Variants in SNTB1 observed in about 807,000 individuals in gnomAD.
The protein encoded by SNTB1 is syntrophin beta 1.
Under a neutral mutation model 48.9 loss-of-function variants are expected in SNTB1, and 36 were observed. That is an observed-to-expected ratio of 0.74 (90% CI 0.56 to 0.97). SNTB1 has a LOEUF of 0.97. Ranked by LOEUF, SNTB1 falls within the 50% of genes least tolerant of loss-of-function variation. The probability of loss-of-function intolerance (pLI) is 0.00; values close to 1 mark genes in which losing one functional copy is unlikely to be tolerated. For missense variants in SNTB1, 786 were observed against 703.4 expected (o/e 1.12, Z -1.33); for synonymous variants, 299 against 294.6 (o/e 1.01, Z -0.15).
intron 4 of SNTB1, among the ~76,000 whole-genome samples, chr8:120,568,156 T>G (rs561221653): frequency 1.3e-3 from 193 of 152,276 alleles, no homozygotes; most frequent in Non-Finnish European, 2.1e-3. Context: ...ATTTCTGGCA[T>G]GGACCATCCC....
chr8:120,717,480 G>C (rs528519791), intron 1 of SNTB1, among the ~76,000 whole-genome samples: 2 of 152,326 alleles, frequency 1.3e-5, no homozygotes, highest in Non-Finnish European at 2.9e-5. Context: ...TTGTTGTTTT[G>C]TTCCAACTTT....
chr8:120,745,985 G>A (rs1428958994), intron 1 of SNTB1, among the ~76,000 whole-genome samples: 2 of 152,152 alleles, frequency 1.3e-5, no homozygotes, highest in Non-Finnish European at 2.9e-5. Flanking sequence ...AGCTCTGTGG[G>A]TCCAATCCAC....
chr8:120,811,607 C>T lies in SNTB1; in HGVS notation c.237G>A (p.Ala79=). The change falls in exon 1 of 7, where the codon GCG becomes GCA. Residue 79 remains alanine, a synonymous_variant. Coordinates refer to ENST00000517992, the MANE Select transcript of SNTB1 (RefSeq NM_021021.4). ...CRGAGAGHPG[A]GGAQPPDSPA... Reference sequence around the variant, plus strand: ...GCGAGTCCGGGGGCTGCGCGCCGCCCGCGCCCGGGTGCCCAGCCCCGGCGC... The same window carrying T: ...GCGAGTCCGGGGGCTGCGCGCCGCCTGCGCCCGGGTGCCCAGCCCCGGCGC... The T allele has an allele frequency of 6.3e-7, 1 of 1,580,434 alleles. No individual in the cohort carries two copies. The highest frequency in any genetic ancestry group is 1.8e-5 in the Admixed American group (1 of 54,138).
intron 1 of SNTB1, among the ~76,000 whole-genome samples, chr8:120,806,173 G>A (rs951350172): frequency 1.3e-5 from 2 of 152,226 alleles, no homozygotes; most frequent in African/African-American, 2.4e-5. Flanking sequence ...CCTCCCTCCA[G>A]AATGGCAGTT....
At chr8:120,690,046 T>A (rs1818099480) in intron 2 of SNTB1, among the ~76,000 whole-genome samples, 1 of 151,094 alleles carries the variant, frequency 6.6e-6, no homozygotes, top group African/African-American at 2.4e-5. Context: ...TTTCCATGGT[T>A]TCAGTTATCT....
chr8:120,615,054 G>A (rs1215878136), intron 3 of SNTB1, among the ~76,000 whole-genome samples: 3 of 151,544 alleles, frequency 2.0e-5, no homozygotes, highest in Non-Finnish European at 4.4e-5. Flanking sequence ...AGGAGGCTAA[G>A]GCAGGGGAAT....
intron 1 of SNTB1, among the ~76,000 whole-genome samples, chr8:120,785,110 C>G (rs1412236289): frequency 6.6e-6 from 1 of 152,196 alleles, no homozygotes; most frequent in Admixed American, 6.5e-5. Context: ...TTGCAGAAGT[C>G]TGTCAGCTAA....
At chr8:120,664,310 T>A (rs1563845537) in intron 2 of SNTB1, among the ~76,000 whole-genome samples, 1 of 152,202 alleles carries the variant, frequency 6.6e-6, no homozygotes, top group Non-Finnish European at 1.5e-5. Context: ...GCTGAGGATG[T>A]TCAGGAATAG....
intron 2 of SNTB1, chr8:120,637,500 CA>C: frequency 5.2e-6 from 1 of 193,900 alleles, no homozygotes. Context: ...ATCAGTTAGT[CA>C]AAGATTCACT....
At chr8:120,612,994 C>T (rs976688145) in intron 3 of SNTB1, among the ~76,000 whole-genome samples, 2 of 151,964 alleles carry the variant, frequency 1.3e-5, no homozygotes, top group Admixed American at 6.6e-5. Flanking sequence ...TGATGTTAAG[C>T]GAAATAAGTC....
At chr8:120,654,888 C>T (rs1381994492) in intron 2 of SNTB1, 2 of 435,034 alleles carry the variant, frequency 4.6e-6, no homozygotes, top group South Asian at 1.7e-5. Context: ...CCTTTCCCCT[C>T]CAAGTGACTC....
At chr8:120,565,774 C>T (rs1218161947) in intron 4 of SNTB1, among the ~76,000 whole-genome samples, 1 of 152,196 alleles carries the variant, frequency 6.6e-6, no homozygotes, top group Non-Finnish European at 1.5e-5. Flanking sequence ...ACCCACCATG[C>T]TGTGGTTTGA....
At chr8:120,732,075 T>G (rs925175061) in intron 1 of SNTB1, among the ~76,000 whole-genome samples, 1 of 152,124 alleles carries the variant, frequency 6.6e-6, no homozygotes, top group Non-Finnish European at 1.5e-5. Context: ...AAATTAAAAG[T>G]TGGAGGCACA....
chr8:120,644,816 C>T (rs375353350), intron 2 of SNTB1, among the ~76,000 whole-genome samples: 59,378 of 149,330 alleles, frequency 0.4, 12,888 homozygotes, highest in Non-Finnish European at 0.49. Context: ...ACATCCTCTC[C>T]AGCACCTGTT....
chr8:120,804,719 C>T (rs961256702), intron 1 of SNTB1, among the ~76,000 whole-genome samples: 2 of 152,024 alleles, frequency 1.3e-5, no homozygotes, highest in Non-Finnish European at 2.9e-5. Context: ...CTGTAATACG[C>T]CCCCCCAAGG....
intron 3 of SNTB1, among the ~76,000 whole-genome samples, chr8:120,625,118 C>T (rs368931785): frequency 1.2e-4 from 18 of 152,104 alleles, no homozygotes; most frequent in African/African-American, 4.1e-4. Flanking sequence ...TCCATTCCTG[C>T]GATAATGGCG....
At chr8:120,723,387 G>A in intron 1 of SNTB1, among the ~76,000 whole-genome samples, 1 of 152,144 alleles carries the variant, frequency 6.6e-6, no homozygotes, top group Non-Finnish European at 1.5e-5. Context: ...ATATGCCAAT[G>A]CTACAAACTA....
chr8:120,761,952 T>C (rs1021186211), intron 1 of SNTB1, among the ~76,000 whole-genome samples: 10 of 152,334 alleles, frequency 6.6e-5, no homozygotes, highest in South Asian at 6.2e-4. Context: ...GATTTCTAGT[T>C]CTTAATAAAA....
chr8:120,663,854 G>A (rs1378594215), intron 2 of SNTB1, among the ~76,000 whole-genome samples: 1 of 152,156 alleles, frequency 6.6e-6, no homozygotes, highest in Non-Finnish European at 1.5e-5. Context: ...GAGAATGCTT[G>A]AGATACTAAA....
Sources: allele counts gnomAD v4.1 joint callset (sites outside exome capture counted in the v4.1 genomes callset), GRCh38; gene constraint gnomAD v4.1.1; transcripts MANE v1.5; gene names NCBI Gene and HGNC (gene_info 2026-07-23, HGNC 2026-07-21).